AFG2A: variants seen among roughly 807,000 people sequenced by gnomAD.
AFG2A encodes ATPase family gene 2 protein homolog A.
At chr4:123,309,396 T>C in the AFG2A span, among the ~76,000 whole-genome samples, 1,073 of 152,290 alleles carry the variant, frequency 7.0e-3, 5 homozygotes, top group Middle Eastern at 0.048. Flanking sequence ...ACCAGCTCCA[T>C]CAGGCTTCTT....
chr4:123,282,216 G>A, the AFG2A span, among the ~76,000 whole-genome samples: 3 of 152,138 alleles, frequency 2.0e-5, no homozygotes. Flanking sequence ...AAATTAAACA[G>A]GGTGGGAGGA....
the AFG2A span, among the ~76,000 whole-genome samples, chr4:123,232,213 A>G: frequency 6.6e-6 from 1 of 152,044 alleles, no homozygotes; most frequent in Non-Finnish European, 1.5e-5. Context: ...TATAGATGAT[A>G]TCTAAAGTCA....
At chr4:123,026,118 TG>T in the AFG2A span, among the ~76,000 whole-genome samples, 15 of 151,316 alleles carry the variant, frequency 9.9e-5, no homozygotes, top group Non-Finnish European at 7.4e-5. Flanking sequence ...TGTGTGTGTG[TG>T]TGTGTGTGTG....
the AFG2A span, among the ~76,000 whole-genome samples, chr4:123,169,243 C>T: frequency 1.3e-5 from 2 of 152,228 alleles, no homozygotes; most frequent in Admixed American, 6.5e-5. Flanking sequence ...ATGAAAATAA[C>T]GTGAACTTAG....
At chr4:123,105,653 G>C in the AFG2A span, among the ~76,000 whole-genome samples, 1 of 152,074 alleles carries the variant, frequency 6.6e-6, no homozygotes, top group Non-Finnish European at 1.5e-5. Context: ...GTTGATTCCA[G>C]CCCTCAGGGA....
chr4:122,957,294 G>A, the AFG2A span, among the ~76,000 whole-genome samples: 14 of 152,248 alleles, frequency 9.2e-5, no homozygotes, highest in African/African-American at 3.4e-4. Context: ...TAGAAACAGT[G>A]CTATAAAGCA....
At chr4:123,122,779 TTG>T in the AFG2A span, among the ~76,000 whole-genome samples, 3 of 150,606 alleles carry the variant, frequency 2.0e-5, no homozygotes, top group Admixed American at 6.6e-5. Context: ...ATCTGTTTTT[TTG>T]TTTTTTTTTT....
At chr4:123,061,920 G>T in the AFG2A span, among the ~76,000 whole-genome samples, 1 of 152,220 alleles carries the variant, frequency 6.6e-6, no homozygotes, top group Non-Finnish European at 1.5e-5. Context: ...AAAAGGAACA[G>T]GTGGGAGGGA....
At chr4:122,924,535 T>C in the AFG2A span, among the ~76,000 whole-genome samples, 24 of 152,236 alleles carry the variant, frequency 1.6e-4, no homozygotes, top group Admixed American at 1.6e-3. Context: ...TTCATCTTTG[T>C]TGATGTTTCA....
chr4:122,995,333 C>G, the AFG2A span, among the ~76,000 whole-genome samples: 2 of 151,960 alleles, frequency 1.3e-5, no homozygotes, highest in African/African-American at 4.8e-5. Flanking sequence ...TTCTTGTTGT[C>G]TAGACAGAAA....
chr4:122,971,762 T>C, the AFG2A span, among the ~76,000 whole-genome samples: 3 of 152,308 alleles, frequency 2.0e-5, no homozygotes, highest in East Asian at 3.9e-4. Context: ...TTTTATCACA[T>C]TTCTACATTT....
chr4:123,180,210 ACT>A, the AFG2A span, among the ~76,000 whole-genome samples: 1 of 152,066 alleles, frequency 6.6e-6, no homozygotes, highest in African/African-American at 2.4e-5. Flanking sequence ...ACAGAGTGAG[ACT>A]CTGTCTCAGA....
the AFG2A span, chr4:122,923,189 A>G: frequency 1.2e-6 from 2 of 1,614,208 alleles, no homozygotes; most frequent in Non-Finnish European, 1.7e-6. Context: ...AGCGCGGAAA[A>G]TGGTTCGTCC....
chr4:123,242,507 C>G, the AFG2A span, among the ~76,000 whole-genome samples: 6 of 152,132 alleles, frequency 3.9e-5, no homozygotes, highest in Non-Finnish European at 8.8e-5. Flanking sequence ...GAAAGGATTC[C>G]CTATTTAATA....
At chr4:123,121,237 G>T in the AFG2A span, among the ~76,000 whole-genome samples, 2 of 129,442 alleles carry the variant, frequency 1.5e-5, no homozygotes, top group African/African-American at 2.6e-5. Flanking sequence ...GTTATTATAA[G>T]AGTCAAAAAG....
At chr4:123,213,599 C>T in the AFG2A span, among the ~76,000 whole-genome samples, 1 of 152,114 alleles carries the variant, frequency 6.6e-6, no homozygotes, top group African/African-American at 2.4e-5. Flanking sequence ...AAATGTGGGA[C>T]TTACAAGGCT....
the AFG2A span, among the ~76,000 whole-genome samples, chr4:123,167,564 G>A: frequency 1.3e-5 from 2 of 152,072 alleles, no homozygotes; most frequent in African/African-American, 4.8e-5. Flanking sequence ...AGCCAGGATG[G>A]TCTCGCTCTC....
chr4:123,002,266 A>C, the AFG2A span, among the ~76,000 whole-genome samples: 1 of 152,016 alleles, frequency 6.6e-6, no homozygotes, highest in African/African-American at 2.4e-5. Context: ...CCAATTTGCC[A>C]GTCTGTGTCT....
chr4:122,958,871 G>A, the AFG2A span, among the ~76,000 whole-genome samples: 2 of 152,180 alleles, frequency 1.3e-5, no homozygotes, highest in Non-Finnish European at 2.9e-5. Flanking sequence ...TAGGAAGCTG[G>A]AGGCAGGATC....
Sources: gnomAD v4.1 joint callset for allele counts (sites outside exome capture counted in the v4.1 genomes callset) on GRCh38, gnomAD v4.1.1 for gene constraint, MANE v1.5 for transcripts, NCBI Gene and HGNC (gene_info 2026-07-23, HGNC 2026-07-21) for gene names.